The following XRCC5 variants were observed in gnomAD, a reference collection of about 807,000 sequenced individuals.
XRCC5 encodes the protein DNA repair protein Ku80.
Under a neutral mutation model 95.7 loss-of-function variants are expected in XRCC5, and 12 were observed. The observed-to-expected ratio is 0.13, with a 90% CI of 0.08 to 0.20. The LOEUF (loss-of-function observed/expected upper bound fraction) is 0.20. Ranked by LOEUF, XRCC5 falls within the 10% of genes least tolerant of loss-of-function variation. The probability of loss-of-function intolerance (pLI) is 1.00; values close to 1 mark genes in which losing one functional copy is unlikely to be tolerated. For missense variants in XRCC5, 595 were observed against 873.9 expected, an observed-to-expected ratio of 0.68 and a Z score of 4.02; for synonymous variants, 281 against 290.3, an observed-to-expected ratio of 0.97 and a Z score of 0.33.
At position 216,143,714 on chromosome 2, in the gene XRCC5, T is replaced by A. The variant is rs180693297; in HGVS notation, c.1476+2395T>A. On this transcript the variant is annotated intron_variant, in intron 13 of 20. Transcript: ENST00000392132. ...TACTATAAGCTGCTTTTTTTTTTTT[T>A]ATTTTTATTTTGAGACGGAGTCTCA... Among the ~76,000 whole-genome samples the A allele has an allele frequency of 7.5e-3, 1,143 of 151,916 alleles. 15 individuals carry two copies. Among genetic ancestry groups the A allele is most frequent in the African/African-American group, 0.026 (1,059 of 41,392 alleles).
Position 216,195,345 on chromosome 2 carries a change from T to TTTTCTTTTCTTTTC in XRCC5, c.2109+362_2109+363insCTTTTCTTTTCTTT, listed in dbSNP as rs1689695700. ...TTACTTGGTGAGCTTGTTTTTCTTT[T>TTTTCTTTTCTTTTC]TTTTCTTTTCTTTTCTTTTCTTTTC... On this transcript the variant is annotated intron_variant, in intron 19 of 20. Transcript: ENST00000392132. 1.8e-3 allele frequency among the ~76,000 whole-genome samples: 221 copies of TTTTCTTTTCTTTTC among 125,252 alleles called. 1 individual carries two copies. The highest frequency in any genetic ancestry group is 4.2e-3 in the Middle Eastern group (1 of 240). The allele number at this position is 125,252 out of a possible 152,430, so 82.2% of individuals were successfully genotyped here. A position where few individuals can be genotyped will look rare whatever the true frequency, so the allele number is the denominator to read the frequency against.
At chr2:216,171,889 TCTA>T (rs1318254660) in intron 16 of XRCC5, among the ~76,000 whole-genome samples, 1 of 152,256 alleles carries the variant, frequency 6.6e-6, no homozygotes, top group Non-Finnish European at 1.5e-5. Flanking sequence ...AGTAAAATCT[TCTA>T]CTATAAAATA....
At chr2:216,144,494 G>T (rs568541567) in intron 13 of XRCC5, among the ~76,000 whole-genome samples, 3 of 152,156 alleles carry the variant, frequency 2.0e-5, no homozygotes, top group Non-Finnish European at 4.4e-5. Flanking sequence ...AATTCTTAAG[G>T]CATTTAGAAG....
chr2:216,134,874 A>G (rs1270295887), intron 10 of XRCC5, among the ~76,000 whole-genome samples: 2 of 152,234 alleles, frequency 1.3e-5, no homozygotes, highest in East Asian at 3.8e-4. Context: ...CTATTAGAAC[A>G]TACATGTTTC....
At chr2:216,187,859 T>TCCCCCC (rs776198918) in intron 16 of XRCC5, among the ~76,000 whole-genome samples, 2 of 110,510 alleles carry the variant, frequency 1.8e-5, no homozygotes, top group African/African-American at 8.9e-5. Context: ...TCTCTCTCTC[T>TCCCCCC]CTCCCCGTCT....
At chr2:216,178,148 T>G (rs1689312552) in intron 16 of XRCC5, among the ~76,000 whole-genome samples, 1 of 152,202 alleles carries the variant, frequency 6.6e-6, no homozygotes, top group Non-Finnish European at 1.5e-5. Flanking sequence ...AAAATTGTCT[T>G]CCTGTTGAGA....
intron 16 of XRCC5, among the ~76,000 whole-genome samples, chr2:216,182,051 C>T (rs11689669): frequency 2.0e-4 from 31 of 152,182 alleles, no homozygotes; most frequent in African/African-American, 7.2e-4. Flanking sequence ...TTTCTGGTAC[C>T]TAATATTTCC....
At chr2:216,180,030 A>C (rs966068026) in intron 16 of XRCC5, among the ~76,000 whole-genome samples, 1 of 152,138 alleles carries the variant, frequency 6.6e-6, no homozygotes, top group Admixed American at 6.5e-5. Context: ...TTTAAAAATA[A>C]CTCCCAAGAT....
chr2:216,205,918 C>T lies in XRCC5; in HGVS notation c.*716C>T, dbSNP rs536769118. ...CCCAATCTCTGCCATATCAGTGAAC[C>T]TTTAGAAACTCAAAAACTGAGAAAT... On this transcript the variant is annotated 3_prime_UTR_variant, in exon 21 of 21. Coordinates refer to ENST00000392132, the MANE Select transcript of XRCC5 (RefSeq NM_021141.4). 12 of 152,272 alleles carry T rather than the reference C, an allele frequency of 7.9e-5. No homozygotes were observed. The East Asian group carries it at 2.3e-3, about 29-fold the overall frequency. The allele number at this position is 152,272 out of a possible 1,614,324, so 9.4% of individuals were successfully genotyped here. A position where few individuals can be genotyped will look rare whatever the true frequency, so the allele number is the denominator to read the frequency against.
chr2:216,193,994 C>G (rs1418625919), intron 18 of XRCC5, among the ~76,000 whole-genome samples: 1 of 152,202 alleles, frequency 6.6e-6, no homozygotes, highest in Non-Finnish European at 1.5e-5. Context: ...ACCATGTTTT[C>G]TTCCTCCCTA....
chr2:216,193,153 A>T (rs1211004392), intron 18 of XRCC5, among the ~76,000 whole-genome samples: 6 of 152,034 alleles, frequency 3.9e-5, no homozygotes, highest in Non-Finnish European at 8.8e-5. Context: ...TTCATTTACC[A>T]TGTTCTTGGA....
intron 11 of XRCC5, among the ~76,000 whole-genome samples, chr2:216,137,478 A>G (rs1013300279): frequency 6.6e-6 from 1 of 150,940 alleles, no homozygotes; most frequent in African/African-American, 2.4e-5. Context: ...TTAATTATAA[A>G]GTATCATAAG....
At chr2:216,190,710 T>A (rs1395446230) in intron 17 of XRCC5, among the ~76,000 whole-genome samples, 1 of 152,198 alleles carries the variant, frequency 6.6e-6, no homozygotes, top group African/African-American at 2.4e-5. Flanking sequence ...TATATTGGTA[T>A]AATTATTGAG....
intron 16 of XRCC5, among the ~76,000 whole-genome samples, chr2:216,171,493 A>G (rs1689164766): frequency 1.3e-5 from 2 of 152,244 alleles, no homozygotes; most frequent in African/African-American, 2.4e-5. Flanking sequence ...GAGGTTGGAG[A>G]AAAATCTTCA....
At chr2:216,179,620 GCAGA>G (rs1191013152) in intron 16 of XRCC5, among the ~76,000 whole-genome samples, 1 of 152,188 alleles carries the variant, frequency 6.6e-6, no homozygotes, top group African/African-American at 2.4e-5. Flanking sequence ...GGAGAGCTTT[GCAGA>G]CAGAGGGAGC....
chr2:216,122,886 A>G (rs896817768), intron 6 of XRCC5, among the ~76,000 whole-genome samples: 3 of 152,192 alleles, frequency 2.0e-5, no homozygotes, highest in East Asian at 1.9e-4. Flanking sequence ...TGCTTTTTCA[A>G]CCATCCAGCT....
intron 19 of XRCC5, among the ~76,000 whole-genome samples, chr2:216,198,700 G>A (rs577497957): frequency 3.9e-5 from 6 of 152,062 alleles, no homozygotes; most frequent in East Asian, 1.9e-4. Flanking sequence ...TTACAAGTGC[G>A]CACCACCCCA....
chr2:216,169,268 C>G (rs931075144), intron 16 of XRCC5, among the ~76,000 whole-genome samples: 1 of 152,212 alleles, frequency 6.6e-6, no homozygotes, highest in Non-Finnish European at 1.5e-5. Flanking sequence ...ACGTAATACC[C>G]ATGTTCACCT....
intron 16 of XRCC5, among the ~76,000 whole-genome samples, chr2:216,172,464 C>CTTTCCTTTTTTTTTTTTTTT (rs1258491985): frequency 1.4e-5 from 1 of 70,350 alleles, no homozygotes; most frequent in African/African-American, 6.5e-5. Context: ...ATCAGCTTTT[C>CTTTCCTTTTTTTTTTTTTTT]TTTTCTTTTT....
Sources: gnomAD v4.1 joint callset for allele counts (sites outside exome capture counted in the v4.1 genomes callset) on GRCh38, gnomAD v4.1.1 for gene constraint, MANE v1.5 for transcripts, NCBI Gene and HGNC (gene_info 2026-07-23, HGNC 2026-07-21) for gene names.